SH3RF3: variants seen among roughly 807,000 people sequenced by gnomAD.
SH3RF3 encodes SH3 domain containing ring finger 3.
In SH3RF3, 29 loss-of-function variants were observed where a neutral mutation model predicts 66.3. The ratio of observed to expected loss-of-function variants is 0.44; its 90% CI spans 0.33 to 0.60. SH3RF3 has a LOEUF of 0.60. Ranked by LOEUF, SH3RF3 falls within the 20% of genes least tolerant of loss-of-function variation. SH3RF3 has a pLI of 0.04. For missense variants in SH3RF3, 1,194 were observed against 1,190.9 expected, an observed-to-expected ratio of 1.00 and a Z score of -0.04; for synonymous variants, 583 against 532.0, an observed-to-expected ratio of 1.10 and a Z score of -1.32.
chr2:109,367,063 G>A (rs1559045569), intron 2 of SH3RF3, among the ~76,000 whole-genome samples: 1 of 149,872 alleles, frequency 6.7e-6, no homozygotes. Flanking sequence ...AGAGATTCTC[G>A]TGCCTCACCC....
chr2:109,379,393 A>G (rs1186860767), intron 3 of SH3RF3, among the ~76,000 whole-genome samples: 1 of 152,214 alleles, frequency 6.6e-6, no homozygotes, highest in Non-Finnish European at 1.5e-5. Flanking sequence ...CCAAACGCCA[A>G]AGCCCGTCCC....
intron 1 of SH3RF3, among the ~76,000 whole-genome samples, chr2:109,174,412 A>G (rs1008045955): frequency 6.6e-6 from 1 of 152,182 alleles, no homozygotes; most frequent in African/African-American, 2.4e-5. Context: ...TTGGCAGCCA[A>G]TACTCCACAG....
chr2:109,460,769 A>G (rs1412073232), intron 8 of SH3RF3, among the ~76,000 whole-genome samples: 1 of 152,212 alleles, frequency 6.6e-6, no homozygotes, highest in Non-Finnish European at 1.5e-5. Context: ...CAGCCAAATC[A>G]TCGGCCACAG....
chr2:109,488,646 G>A (rs1679045030), intron 8 of SH3RF3, among the ~76,000 whole-genome samples: 1 of 152,184 alleles, frequency 6.6e-6, no homozygotes, highest in Non-Finnish European at 1.5e-5. Flanking sequence ...AGTTCCCGAT[G>A]TGTGTTCCTG....
intron 1 of SH3RF3, chr2:109,251,421 C>T: frequency 1.4e-6 from 1 of 705,604 alleles, no homozygotes; most frequent in South Asian, 1.4e-5. Flanking sequence ...GAGTAGACAC[C>T]ATGAGCAAAG....
intron 8 of SH3RF3, among the ~76,000 whole-genome samples, chr2:109,452,876 AGGAGGCTGGTCCCAGGAGGCTGGTCCCG>A (rs1677923864): frequency 2.0e-5 from 2 of 99,778 alleles, no homozygotes; most frequent in East Asian, 2.9e-4. Context: ...GGCTGGTGCC[AGGAGGCTGGTCCCAGGAGGCTGGTCCCG>A]GGAGGCTGGT....
At chr2:109,458,940 A>G (rs1250982862) in intron 8 of SH3RF3, among the ~76,000 whole-genome samples, 1 of 152,178 alleles carries the variant, frequency 6.6e-6, no homozygotes, top group Non-Finnish European at 1.5e-5. Flanking sequence ...AAAACTCACC[A>G]TCACCGTCCA....
In SH3RF3 at chr2:109,503,510, C is replaced by T. The variant is rs1238051771; in HGVS notation, c.*1839C>T. 6.6e-6 allele frequency: 1 copy of T among 152,174 alleles called. No homozygotes were observed. The highest frequency in any genetic ancestry group is 1.5e-5 in the Non-Finnish European group (1 of 68,036). The allele number at this position is 152,174 out of a possible 1,614,324, so 9.4% of individuals were successfully genotyped here. ...TGTTCAGAATCAAAGAAGAAAAAGT[C>T]TGGCTTAAACATAGTAACTTCTGTG... On this transcript the variant is annotated 3_prime_UTR_variant, in exon 10 of 10. Coordinates refer to ENST00000309415, the MANE Select transcript of SH3RF3 (RefSeq NM_001099289.3).
chr2:109,318,548 T>C (rs1220856272), intron 1 of SH3RF3, among the ~76,000 whole-genome samples: 1 of 152,214 alleles, frequency 6.6e-6, no homozygotes, highest in African/African-American at 2.4e-5. Flanking sequence ...CTGTGGTTTG[T>C]CCTTGCGGGT....
intron 1 of SH3RF3, among the ~76,000 whole-genome samples, chr2:109,229,847 C>T (rs1490878215): frequency 3.8e-5 from 5 of 133,162 alleles, no homozygotes; most frequent in Non-Finnish European, 4.7e-5. Context: ...TTTTTTGAGG[C>T]GGAGTCTCGC....
chr2:109,169,702 C>CTA (rs1480734444), intron 1 of SH3RF3, among the ~76,000 whole-genome samples: 3 of 151,722 alleles, frequency 2.0e-5, no homozygotes, highest in Non-Finnish European at 2.9e-5. Flanking sequence ...ATATCTCTCT[C>CTA]TCTATATATA....
At chr2:109,142,654 G>C (rs1038609472) in intron 1 of SH3RF3, among the ~76,000 whole-genome samples, 1 of 152,178 alleles carries the variant, frequency 6.6e-6, no homozygotes, top group Non-Finnish European at 1.5e-5. Flanking sequence ...GCATCTTGGA[G>C]CCCTCCATCC....
intron 1 of SH3RF3, among the ~76,000 whole-genome samples, chr2:109,243,929 C>T (rs1051323245): frequency 1.3e-5 from 2 of 152,182 alleles, no homozygotes; most frequent in Non-Finnish European, 2.9e-5. Context: ...CAGAAGAGCT[C>T]ATGCCACCGA....
In SH3RF3 at chr2:109,252,119, C is replaced by A. The variant is rs117580838; in HGVS notation, c.574-95555C>A. ...AATAGCTGAGTGGGGTGTCACAGGC[C>A]TATAGTCTCAGCTACTCAGGAGGCT... On this transcript the variant is annotated intron_variant, in intron 1 of 9. Transcript: ENST00000309415. 7.4e-4 allele frequency among the ~76,000 whole-genome samples: 113 copies of A among 152,004 alleles called. 1 individual carries two copies. In the East Asian group the frequency reaches 0.02, roughly 27 times the overall value.
At chr2:109,323,680 C>T (rs1328351928) in intron 1 of SH3RF3, among the ~76,000 whole-genome samples, 2 of 152,210 alleles carry the variant, frequency 1.3e-5, no homozygotes, top group Non-Finnish European at 2.9e-5. Flanking sequence ...TGAGCCTGTG[C>T]CTCGAGGAGA....
intron 3 of SH3RF3, among the ~76,000 whole-genome samples, chr2:109,391,992 T>G (rs1249190985): frequency 6.6e-6 from 1 of 152,068 alleles, no homozygotes; most frequent in Non-Finnish European, 1.5e-5. Context: ...TAATTTTAAT[T>G]TTTTACAGAG....
chr2:109,394,476 T>C (rs1362671375), intron 3 of SH3RF3, among the ~76,000 whole-genome samples: 1 of 152,198 alleles, frequency 6.6e-6, no homozygotes, highest in Non-Finnish European at 1.5e-5. Context: ...GGGCAGGCTC[T>C]GGGAAGGGCA....
rs143600504 is a variant in SH3RF3, at chr2:109,472,189, C to T, written c.2149-18416C>T. On this transcript the variant is annotated intron_variant, in intron 8 of 9. Coordinates refer to ENST00000309415, the MANE Select transcript of SH3RF3 (RefSeq NM_001099289.3). ...TCCTTATAGAAATGTAGGAGCAGTC[C>T]CCAGTTAAAAATTAGATAGGGATAA... Among the ~76,000 whole-genome samples the T allele has an allele frequency of 8.5e-5, 13 of 152,298 alleles. No individual in the cohort carries two copies. In the East Asian group the frequency reaches 2.5e-3, roughly 29 times the overall value.
At chr2:109,220,788 A>G (rs1290885848) in intron 1 of SH3RF3, among the ~76,000 whole-genome samples, 1 of 152,244 alleles carries the variant, frequency 6.6e-6, no homozygotes, top group Admixed American at 6.5e-5. Flanking sequence ...ATGTGGAGAA[A>G]TTGTTATGCT....
Sources: gnomAD v4.1 joint callset for allele counts (sites outside exome capture counted in the v4.1 genomes callset) on GRCh38, gnomAD v4.1.1 for gene constraint, MANE v1.5 for transcripts, NCBI Gene and HGNC (gene_info 2026-07-23, HGNC 2026-07-21) for gene names.